Variants in SEPTIN6 observed in about 807,000 individuals in gnomAD.
The protein encoded by SEPTIN6 is septin-6.
Under a neutral mutation model 33.6 loss-of-function variants are expected in SEPTIN6, and 8 were observed. That is an observed-to-expected ratio of 0.24 (90% CI 0.14 to 0.43). The LOEUF (loss-of-function observed/expected upper bound fraction) is 0.43, where lower values mean the gene tolerates loss of function less well. Among genes scored for constraint, SEPTIN6 ranks in the 20% least tolerant of loss-of-function variants. SEPTIN6 has a pLI of 1.00. For missense variants in SEPTIN6, 250 were observed against 340.8 expected (o/e 0.73, Z 2.10); for synonymous variants, 131 against 140.0 (o/e 0.94, Z 0.45).
At chrX:119,648,462 A>C (rs1288468055) in intron 5 of SEPTIN6, among the ~76,000 whole-genome samples, 1 of 111,383 alleles carries the variant, frequency 9.0e-6, no homozygotes, top group Non-Finnish European at 1.9e-5. Context: ...TCTCTTCATA[A>C]CAGAGCCTAG....
chrX:119,665,100 C>CTTTT (rs1393747587), intron 2 of SEPTIN6, among the ~76,000 whole-genome samples: 4 of 103,225 alleles, frequency 3.9e-5, no homozygotes, highest in African/African-American at 1.5e-4. Flanking sequence ...TCTTCTTCTT[C>CTTTT]TTCTTTTTTT....
chrX:119,629,267 G>T (rs894528484), intron 9 of SEPTIN6, 51 bp downstream of exon 9: 2 of 1,141,230 alleles, frequency 1.8e-6, no homozygotes, highest in South Asian at 3.7e-5. Flanking sequence ...GCCCTGGGAG[G>T]ATGAGCAGGA....
At position 119,654,558 on chromosome X, in the gene SEPTIN6, G is replaced by A. The variant is rs182813355; in HGVS notation, c.342-1518C>T. On this transcript the variant is annotated intron_variant, in intron 3 of 10. Transcript: ENST00000394610. ...TGCCTCCCACCTGCAGCAGCTCCCA[G>A]GCTGAGCCTTTCTGAAAGATCCCCC... is the stretch of plus-strand genomic sequence containing the variant. Among the ~76,000 whole-genome samples the A allele has an allele frequency of 3.3e-3, 372 of 111,569 alleles. 2 individuals carry two copies. Among genetic ancestry groups the A allele is most frequent in the African/African-American group, 0.012 (358 of 30,736 alleles).
At chrX:119,644,280 CCAA>C (rs942855972) in intron 5 of SEPTIN6, among the ~76,000 whole-genome samples, 4 of 111,381 alleles carry the variant, frequency 3.6e-5, no homozygotes, top group African/African-American at 1.3e-4. Context: ...TCAGAAAACT[CCAA>C]CAAGAGATAG....
At position 119,618,300 on chromosome X, in the gene SEPTIN6, TC is replaced by T; in HGVS notation, c.*1792del. On this transcript the variant is annotated 3_prime_UTR_variant, in exon 11 of 11. Coordinates refer to ENST00000394610, the MANE Select transcript of SEPTIN6 (RefSeq NM_145799.4). Reference sequence around the variant, plus strand: ...TTGGCAGCATCACCTTCATACTTGCTCTGGTCACTCACCAATCAATAGAGCA... The same window carrying T: ...TTGGCAGCATCACCTTCATACTTGCTTGGTCACTCACCAATCAATAGAGCA... 2 of 811,400 alleles carry T rather than the reference TC, an allele frequency of 2.5e-6. No individual in the cohort carries two copies. The highest frequency in any genetic ancestry group is 3.0e-6 in the Non-Finnish European group (2 of 674,894). The allele number at this position is 811,400 out of a possible 1,213,427, so 66.9% of individuals were successfully genotyped here. A position where few individuals can be genotyped will look rare whatever the true frequency, so the allele number is the denominator to read the frequency against.
intron 2 of SEPTIN6, among the ~76,000 whole-genome samples, chrX:119,674,267 A>G (rs1244534153): frequency 1.8e-5 from 2 of 109,154 alleles, no homozygotes; most frequent in African/African-American, 6.7e-5. Context: ...TCTGCCTCCC[A>G]GGTTCACGCC....
Position 119,617,776 on chromosome X carries a change from T to C in SEPTIN6, c.*2317A>G. On this transcript the variant is annotated 3_prime_UTR_variant, in exon 11 of 11. Transcript: ENST00000394610. ...CAAGTCCCTTCCCTTCTCTGGGCCT[T>C]CATTTCCCCTTACGGAGTAAGTAGG... The C allele has an allele frequency of 1.3e-6, 1 of 784,288 alleles. No homozygotes were observed. Among genetic ancestry groups the C allele is most frequent in the Non-Finnish European group, 1.5e-6 (1 of 650,870 alleles). The allele number at this position is 784,288 out of a possible 1,213,427, so 64.6% of individuals were successfully genotyped here.
Position 119,619,012 on chromosome X carries a change from A to G in SEPTIN6, c.*1081T>C. On this transcript the variant is annotated 3_prime_UTR_variant, in exon 11 of 11. Transcript: ENST00000394610. The stretch of plus-strand genomic sequence containing the variant: ...TAAACTCTCAACTCCTTAAATTGGA[A>G]AGAAAGTTAAGGGCCTTTTCTTCTC... 4 of 974,579 alleles carry G rather than the reference A, an allele frequency of 4.1e-6. No homozygotes were observed. Among genetic ancestry groups the G allele is most frequent in the Non-Finnish European group, 5.2e-6 (4 of 775,159 alleles). 80.3% of individuals were successfully genotyped at this position (974,579 alleles called of 1,213,427 possible).
At chrX:119,637,609 C>CCATCCATCTATCCATCCATCCATCCACT (rs2054086828) in intron 6 of SEPTIN6, among the ~76,000 whole-genome samples, 1 of 108,730 alleles carries the variant, frequency 9.2e-6, no homozygotes, top group African/African-American at 3.4e-5. Context: ...ATCCATCCAT[C>CCATCCATCTATCCATCCATCCATCCACT]CATCCATCTA....
chrX:119,676,676 C>T (rs1401430356), intron 1 of SEPTIN6, among the ~76,000 whole-genome samples: 2 of 110,902 alleles, frequency 1.8e-5, no homozygotes, highest in East Asian at 2.8e-4. Context: ...GAGGCTGAGG[C>T]GGGAGGATTG....
At chrX:119,621,675 A>G (rs1256341513) in intron 10 of SEPTIN6, among the ~76,000 whole-genome samples, 1 of 108,536 alleles carries the variant, frequency 9.2e-6, no homozygotes, top group African/African-American at 3.4e-5. Flanking sequence ...TATTTTTAGT[A>G]GAGACAGGGT....
At chrX:119,662,306 G>A (rs1244068648) in intron 3 of SEPTIN6, among the ~76,000 whole-genome samples, 3 of 111,509 alleles carry the variant, frequency 2.7e-5, no homozygotes, top group Non-Finnish European at 3.8e-5. Flanking sequence ...GAAGGTCATC[G>A]CGTATCTCAG....
At chrX:119,678,436 C>A (rs1273476707) in intron 1 of SEPTIN6, among the ~76,000 whole-genome samples, 2 of 109,349 alleles carry the variant, frequency 1.8e-5, no homozygotes, top group Admixed American at 2.0e-4. Flanking sequence ...AGGAGAATGG[C>A]GTGAACCTGG....
In SEPTIN6 at chrX:119,693,126, C is replaced by G. The variant is rs753222188; in HGVS notation, c.-21G>C. 3.4e-6 allele frequency: 4 copies of G among 1,168,079 alleles called. No individual in the cohort carries two copies. The highest frequency in any genetic ancestry group is 6.5e-5 in the East Asian group (2 of 31,001). On this transcript the variant is annotated 5_prime_UTR_variant, in exon 1 of 11. Transcript: ENST00000394610. Reference sequence around the variant, plus strand: ...GCCATCGCTCCTGCGTCCGCCAGGGCTGCCACGGGTGCCGCCGCAACGGGA... The same window carrying G: ...GCCATCGCTCCTGCGTCCGCCAGGGGTGCCACGGGTGCCGCCGCAACGGGA...
chrX:119,649,356 A>C (rs769402490), intron 5 of SEPTIN6, among the ~76,000 whole-genome samples: 2 of 107,215 alleles, frequency 1.9e-5, no homozygotes, highest in African/African-American at 3.4e-5. Context: ...GGCCTCCAAA[A>C]GTGCTAGGAT....
chrX:119,620,561 T>G (rs760724701), intron 10 of SEPTIN6, among the ~76,000 whole-genome samples: 39 of 110,168 alleles, frequency 3.5e-4, no homozygotes, highest in African/African-American at 1.3e-3. Context: ...CCTCATGATC[T>G]GCCCGCCTTG....
intron 7 of SEPTIN6, among the ~76,000 whole-genome samples, chrX:119,634,368 C>CAA (rs1329538429): frequency 3.0e-5 from 1 of 33,482 alleles, no homozygotes; most frequent in African/African-American, 1.1e-4. Flanking sequence ...GACTCCATCT[C>CAA]AAAAAAAAAA....
At chrX:119,625,540 TAC>T in intron 9 of SEPTIN6, 161 bp from the exon 10 acceptor site, 1 of 424,848 alleles carries the variant, frequency 2.4e-6, no homozygotes. Context: ...GAAACACTGA[TAC>T]TCTTTTTTTT....
At chrX:119,654,712 G>C (rs1324614227) in intron 3 of SEPTIN6, among the ~76,000 whole-genome samples, 4 of 111,576 alleles carry the variant, frequency 3.6e-5, no homozygotes, top group Admixed American at 9.5e-5. Context: ...TTTTTTTTAA[G>C]ATGGAGTTTC....
Sources: allele counts gnomAD v4.1 joint callset (sites outside exome capture counted in the v4.1 genomes callset), GRCh38; gene constraint gnomAD v4.1.1; transcripts MANE v1.5; gene names NCBI Gene and HGNC (gene_info 2026-07-23, HGNC 2026-07-21).